The following UBA7 variants were observed in gnomAD, a reference collection of about 807,000 sequenced individuals.
UBA7 encodes the protein ubiquitin-like modifier-activating enzyme 7.
Under a neutral mutation model 113.0 loss-of-function variants are expected in UBA7, and 88 were observed. That is an observed-to-expected ratio of 0.78 (90% CI 0.66 to 0.93). UBA7 has a LOEUF of 0.93. UBA7 is among the 40% of genes least tolerant of loss of function. The pLI is 0.00. For synonymous variants in UBA7, 459 were observed against 513.0 expected (o/e 0.89, Z 1.42); for missense variants, 1,092 against 1,266.4 (o/e 0.86, Z 2.09).
At chr3:49,806,693 C>T (rs1575367601) in intron 21 of UBA7, among the ~76,000 whole-genome samples, 1 of 151,994 alleles carries the variant, frequency 6.6e-6, no homozygotes, top group Non-Finnish European at 1.5e-5. Context: ...TTCCAAGAGT[C>T]TTGGGGTTCT....
Position 49,813,132 on chromosome 3 carries a change from G to C in UBA7, c.397C>G (p.Leu133Val). The change falls in exon 4 of 24, where the codon CTG (leucine) becomes GTG (valine). Residue 133 changes from leucine (L) to valine (V), a missense_variant. By Grantham distance (32) the Leu-to-Val change is conservative (BLOSUM62 1). Coordinates refer to ENST00000333486, the MANE Select transcript of UBA7 (RefSeq NM_003335.3). ...VLTAAKLEEQ[L>V]KVGTLCHKHG... ...TTATGACACAAGGTGCCCACCTTCAGCTGCTCCTCCAGCTTTGCAGCAGTC... is the reference window on the plus strand; with the variant it reads ...TTATGACACAAGGTGCCCACCTTCACCTGCTCCTCCAGCTTTGCAGCAGTC... The C allele has an allele frequency of 6.2e-7, 1 of 1,614,184 alleles. No homozygotes were observed. Among genetic ancestry groups the C allele is most frequent in the Non-Finnish European group, 8.5e-7 (1 of 1,180,030 alleles).
In UBA7 at chr3:49,805,944, A is replaced by C. The variant is rs1362201327; in HGVS notation, c.2862T>G (p.Tyr954Ter). The change falls in exon 23 of 24, where the codon TAT (tyrosine) becomes TAG (stop). Residue 954 changes from tyrosine (Y) to a stop codon, truncating the protein, a stop_gained. Coordinates refer to ENST00000333486, the MANE Select transcript of UBA7 (RefSeq NM_003335.3). LOFTEE classifies it low-confidence loss of function (END_TRUNC). ...GCTTTTCAGGTGACCATCCGGCCGC[A>C]TAGAGCAGGGCTGAGCCGTGCAGCA... is the stretch of plus-strand genomic sequence containing the variant. ...RILLHGSALL[Y>*]AAGWSPEKQA... 2 of 1,563,918 alleles carry C rather than the reference A, an allele frequency of 1.3e-6. No individual in the cohort carries two copies. The highest frequency in any genetic ancestry group is 1.7e-6 in the Non-Finnish European group (2 of 1,154,028).
chr3:49,809,994 G>A lies in UBA7; in HGVS notation c.1823C>T (p.Ala608Val). The change falls in exon 14 of 24, where the codon GCC (alanine) becomes GTC (valine). Residue 608 changes from alanine to valine, a missense_variant. Coordinates refer to ENST00000333486, the MANE Select transcript of UBA7 (RefSeq NM_003335.3). Reference sequence around the variant, plus strand: ...GCTTCCTACCTGCAGGGTGTGCTCGGCTGTGCTAGGGAAGTACCGCACGGT... The same window carrying A: ...GCTTCCTACCTGCAGGGTGTGCTCGACTGTGCTAGGGAAGTACCGCACGGT... ...VCTVRYFPST[A>V]EHTLQWARHE... 6.2e-7 allele frequency: 1 copy of A among 1,613,828 alleles called. No homozygotes were observed.
In UBA7 at chr3:49,806,118, AG is replaced by A; in HGVS notation, c.2762del (p.Ala921ValfsTer21). ...ACTCCAGGGTCCTCTCAGGCTGCCC[AG>A]CTGGTACCTTCAGACGGTCCCAAGA... ...WTSWDRLKVP[A>X]GQPERTLESL... On this transcript the variant is annotated frameshift_variant, in exon 22 of 24. Coordinates refer to ENST00000333486, the MANE Select transcript of UBA7 (RefSeq NM_003335.3). LOFTEE classifies it high-confidence loss of function. 5.0e-6 allele frequency: 8 copies of A among 1,602,096 alleles called. No individual in the cohort carries two copies. The highest frequency in any genetic ancestry group is 6.8e-6 in the Non-Finnish European group (8 of 1,174,838).
rs747156603 is a variant in UBA7 at position 49,809,879 on chromosome 3, AC to A, written c.1840-1del. 1.2e-6 allele frequency: 2 copies of A among 1,614,096 alleles called. No homozygotes were observed. The highest frequency in any genetic ancestry group is 8.5e-7 in the Non-Finnish European group (1 of 1,180,010). On this transcript the variant is annotated splice_acceptor_variant, in intron 14 of 23. Transcript: ENST00000333486. LOFTEE classifies it high-confidence loss of function. ...AGTTCTTCAAACTCATGCCGGGCCC[AC>A]TGTGGAGGAGGGAGGAAGAATGAGG...
In UBA7 at chr3:49,813,054, T is replaced by C; in HGVS notation, c.467+8A>G. On this transcript the variant is annotated splice_region_variant and intron_variant, in intron 4 of 23. Transcript: ENST00000333486. ...AATATGGTAGGCTGGGCAGGCAGTC[T>C]TACTCACCCCACGAGGCCCCGGGTG... The C allele has an allele frequency of 6.2e-7, 1 of 1,611,350 alleles. No homozygotes were observed. The highest frequency in any genetic ancestry group is 8.5e-7 in the Non-Finnish European group (1 of 1,179,112).
Position 49,811,892 on chromosome 3 carries a change from C to G in UBA7, c.917G>C (p.Arg306Pro). 6.2e-7 allele frequency: 1 copy of G among 1,613,802 alleles called. No homozygotes were observed. The highest frequency in any genetic ancestry group is 1.1e-5 in the South Asian group (1 of 91,060). The change falls in exon 8 of 24, where the codon CGG (arginine) becomes CCG (proline). Residue 306 changes from arginine (R) to proline (P), a missense_variant. Transcript: ENST00000333486. ...ALHKFQHLHG[R>P]PPQPWDPVDA... ...CACAGGATCCCAGGGCTGGGGTGGC[C>G]GGCCATGGAGGTGCTGGAACTTGTG...
chr3:49,811,182 C>T (rs1287017049), intron 9 of UBA7, 91 bp from the exon 10 acceptor site: 3 of 1,603,290 alleles, frequency 1.9e-6, no homozygotes, highest in Non-Finnish European at 1.7e-6. Context: ...GGTGAAGGCT[C>T]CAGGGCTGCT....
At chr3:49,805,754 G>A in intron 23 of UBA7, 143 bp downstream of exon 23, 1 of 911,482 alleles carries the variant, frequency 1.1e-6, no homozygotes, top group East Asian at 2.6e-5. Context: ...CCTCCAGCCT[G>A]TTTGCTGGCT....
Position 49,813,117 on chromosome 3 carries a change from A to G in UBA7, c.412T>C (p.Leu138=), listed in dbSNP as rs759598737. 1 of 1,614,140 alleles carries G rather than the reference A, an allele frequency of 6.2e-7. No individual in the cohort carries two copies. The highest frequency in any genetic ancestry group is 2.2e-5 in the East Asian group (1 of 44,878). The change falls in exon 4 of 24, where the codon TTG becomes CTG. Residue 138 remains leucine (L), a synonymous_variant. Coordinates refer to ENST00000333486, the MANE Select transcript of UBA7 (RefSeq NM_003335.3). Reference sequence around the variant, plus strand: ...AAGCAAACTCCATGCTTATGACACAAGGTGCCCACCTTCAGCTGCTCCTCC... The same window carrying G: ...AAGCAAACTCCATGCTTATGACACAGGGTGCCCACCTTCAGCTGCTCCTCC... ...KLEEQLKVGT[L]CHKHGVCFLA... is the part of the protein sequence containing the mutation.
In UBA7 at chr3:49,811,284, C is replaced by T; in HGVS notation, c.1111G>A (p.Glu371Lys). ...ATGCCTCTGCCCACCTTCAGCACTT[C>T]CTGGGCAGCTACTGCACCCAGCATG... ...VAMLGAVAAQ[E>K]VLKAISRKFM... The change falls in exon 9 of 24, where the codon GAA (glutamate) becomes AAA (lysine). Residue 371 changes from glutamate to lysine, a missense_variant. Physicochemically the swap from Glu to Lys is moderately conservative, Grantham distance 56 (BLOSUM62 1). Transcript: ENST00000333486. The T allele has an allele frequency of 6.2e-7, 1 of 1,614,112 alleles. No homozygotes were observed. The highest frequency in any genetic ancestry group is 8.5e-7 in the Non-Finnish European group (1 of 1,180,006).
In UBA7 at chr3:49,810,437, A is replaced by C; in HGVS notation, c.1468-9T>G. The C allele has an allele frequency of 6.2e-7, 1 of 1,614,052 alleles. No homozygotes were observed. Among genetic ancestry groups the C allele is most frequent in the Non-Finnish European group, 8.5e-7 (1 of 1,179,974 alleles). Reference sequence around the variant, plus strand: ...ACCTCTGCCTTGGGTCTCTGGGAAGAAGGCAGGAAGATGTTGGGTGGGAAG... The same window carrying C: ...ACCTCTGCCTTGGGTCTCTGGGAAGCAGGCAGGAAGATGTTGGGTGGGAAG... On this transcript the variant is annotated splice_polypyrimidine_tract_variant and intron_variant, in intron 12 of 23. Coordinates refer to ENST00000333486, the MANE Select transcript of UBA7 (RefSeq NM_003335.3). This position sits in a 1 kb window ranked among gnomAD's most constrained non-coding sequence, Gnocchi z 5.6.
chr3:49,810,475 A>G lies in UBA7; in HGVS notation c.1467+42T>C. 6.2e-7 allele frequency: 1 copy of G among 1,613,892 alleles called. No individual in the cohort carries two copies. On this transcript the variant is annotated intron_variant, in intron 12 of 23. Transcript: ENST00000333486. This position sits in a 1 kb window ranked among gnomAD's most constrained non-coding sequence, Gnocchi z 5.6. ...GTTGGGTGGGAAGCTGTATGGGAGG[A>G]CGGTCTGGGATGCAGGAGTGTGGAG...
rs756306070 is a variant in UBA7, at chr3:49,808,143, A to G, written c.2431-31T>C. 9 of 1,610,918 alleles carry G rather than the reference A, an allele frequency of 5.6e-6. No homozygotes were observed. The Admixed American group carries it at 8.4e-5, about 15-fold the overall frequency. On this transcript the variant is annotated intron_variant, in intron 19 of 23. Coordinates refer to ENST00000333486, the MANE Select transcript of UBA7 (RefSeq NM_003335.3). ...AGGCCCAAGTCAAAGTAGTGTTAACACTGCAGCTGTGCCCCTCACCGTGGC... is the reference window on the plus strand; with the variant it reads ...AGGCCCAAGTCAAAGTAGTGTTAACGCTGCAGCTGTGCCCCTCACCGTGGC...
chr3:49,805,243 G>A lies in UBA7; in HGVS notation c.*65C>T. 6.6e-7 allele frequency: 1 copy of A among 1,505,586 alleles called. No homozygotes were observed. The highest frequency in any genetic ancestry group is 1.1e-5 in the South Asian group (1 of 87,468). The allele number at this position is 1,505,586 out of a possible 1,614,324, so 93.3% of individuals were successfully genotyped here. Reference sequence around the variant, plus strand: ...CAAGCATTTATTGAGTGCCTACTGTGGGCTTACAATGCAGGGCTTGGGATC... The same window carrying A: ...CAAGCATTTATTGAGTGCCTACTGTAGGCTTACAATGCAGGGCTTGGGATC... On this transcript the variant is annotated 3_prime_UTR_variant, in exon 24 of 24. Transcript: ENST00000333486.
In UBA7 at chr3:49,808,997, C is replaced by T. The variant is rs1189510309; in HGVS notation, c.2326G>A (p.Ala776Thr). 6.2e-7 allele frequency: 1 copy of T among 1,613,640 alleles called. No homozygotes were observed. Among genetic ancestry groups the T allele is most frequent in the East Asian group, 2.2e-5 (1 of 44,884 alleles). Reference sequence around the variant, plus strand: ...TCACCAAACTCAGCAGAAGCCGAAGCCAGCTCTAGATTACTAGCAAAGATG... The same window carrying T: ...TCACCAAACTCAGCAGAAGCCGAAGTCAGCTCTAGATTACTAGCAAAGATG... Reference protein sequence around the residue: ...APIFASNLELASASAEFGPEQ... With the variant: ...APIFASNLELTSASAEFGPEQ... Residue 776 changes from alanine to threonine, a missense_variant, in exon 18 of 24, where the codon GCT becomes ACT. Ala to Thr is a moderately conservative substitution (Grantham distance 58). Transcript: ENST00000333486.
intron 6 of UBA7, 70 bp downstream of exon 6, chr3:49,812,338 G>A: frequency 6.2e-7 from 1 of 1,611,192 alleles, no homozygotes; most frequent in Non-Finnish European, 8.5e-7. Flanking sequence ...CCCATCCCAA[G>A]GGCCAGGCTG....
intron 9 of UBA7, 25 bp downstream of exon 9, chr3:49,811,248 C>G (rs746550592): frequency 6.2e-7 from 1 of 1,613,198 alleles, no homozygotes; most frequent in Non-Finnish European, 8.5e-7. Flanking sequence ...TTCCCAGTAC[C>G]CCCCACACCT....
chr3:49,812,989 G>T, intron 4 of UBA7, 73 bp downstream of exon 4: 1 of 1,533,794 alleles, frequency 6.5e-7, no homozygotes, highest in Non-Finnish European at 8.9e-7. Flanking sequence ...ACTGGAGCAA[G>T]CCTGGAGCTG....
Sources: allele counts gnomAD v4.1 joint callset (sites outside exome capture counted in the v4.1 genomes callset), GRCh38; gene constraint gnomAD v4.1.1; non-coding constraint Gnocchi (gnomAD v3.1); transcripts MANE v1.5; gene names NCBI Gene and HGNC (gene_info 2026-07-23, HGNC 2026-07-21).